Variants in DHX29 observed in about 807,000 individuals in gnomAD.
DHX29 encodes the protein DExH-box helicase 29.
In DHX29, 79 loss-of-function variants were observed where a neutral mutation model predicts 167.9. That is an observed-to-expected ratio of 0.47 (90% confidence interval 0.39 to 0.57). The LOEUF is 0.57. Ranked by LOEUF, DHX29 falls within the 20% of genes least tolerant of loss-of-function variation. DHX29 has a pLI of 0.00. For missense variants in DHX29, 1,347 were observed against 1,593.4 expected, an observed-to-expected ratio of 0.85 and a Z score of 2.63; for synonymous variants, 530 against 546.0, an observed-to-expected ratio of 0.97 and a Z score of 0.41.
intron 2 of DHX29, among the ~76,000 whole-genome samples, chr5:55,297,944 A>G (rs1315273730): frequency 6.6e-6 from 1 of 152,240 alleles, no homozygotes; most frequent in Non-Finnish European, 1.5e-5. Flanking sequence ...ACAAGCATCT[A>G]CTTACAAAAA....
At position 55,269,411 on chromosome 5, in the gene DHX29, ACCACTGGGT is replaced by A. The variant is rs1202086212; in HGVS notation, c.3287_3294+1del. The A allele has an allele frequency of 6.2e-7, 1 of 1,612,044 alleles. No homozygotes were observed. The highest frequency in any genetic ancestry group is 1.7e-5 in the Admixed American group (1 of 60,008). On this transcript the variant is annotated splice_donor_variant and coding_sequence_variant, in exon 21 of 27. Coordinates refer to ENST00000251636, the MANE Select transcript of DHX29 (RefSeq NM_019030.4). LOFTEE classifies it high-confidence loss of function. ...AAGAAGCAGCAGCATTGTTTGACTTACCACTGGGTCAAGGCAGCCAAATATGGCACCAAA... is the reference window on the plus strand; with the variant it reads ...AAGAAGCAGCAGCATTGTTTGACTTACAAGGCAGCCAAATATGGCACCAAA...
At chr5:55,301,724 A>AC (rs1579824438) in intron 1 of DHX29, among the ~76,000 whole-genome samples, 1 of 151,376 alleles carries the variant, frequency 6.6e-6, no homozygotes, top group African/African-American at 2.4e-5. Context: ...AAAAAAAAAA[A>AC]AAAAAAAAAA....
chr5:55,299,383 G>C (rs927705737), intron 1 of DHX29, among the ~76,000 whole-genome samples: 3 of 152,162 alleles, frequency 2.0e-5, no homozygotes, highest in Non-Finnish European at 4.4e-5. Flanking sequence ...TAAGTGAAAA[G>C]GGAGGTGGGA....
rs138961941 is a variant in DHX29, at chr5:55,289,374, T to C, written c.962A>G (p.His321Arg). 1.9e-5 allele frequency: 31 copies of C among 1,601,730 alleles called. No homozygotes were observed. The highest frequency in any genetic ancestry group is 1.8e-4 in the East Asian group (8 of 44,230). The stretch of plus-strand genomic sequence containing the variant: ...AGGCTTTTTCCTTTCATTTTGTTGA[T>C]GTGAAATCTTCATGGCTGGGTTAAA... ...PVFNPAMKIS[H>R]QQNERKKPPV... The change falls in exon 8 of 27, where the codon CAT becomes CGT. Residue 321 changes from histidine (H) to arginine (R), a missense_variant. Physicochemically the swap from His to Arg is conservative, Grantham distance 29. Coordinates refer to ENST00000251636, the MANE Select transcript of DHX29 (RefSeq NM_019030.4).
At position 55,274,883 on chromosome 5, in the gene DHX29, T is replaced by C; in HGVS notation, c.2555A>G (p.Glu852Gly). ...PHKINLDLILELLAYLDKSPQ... is the reference protein window; with the variant it reads ...PHKINLDLILGLLAYLDKSPQ... Reference sequence around the variant, plus strand: ...AAATATACCTAAGTATGCAAGAAGTTCCAAAATGAGATCCAGGTTGATTTT... The same window carrying C: ...AAATATACCTAAGTATGCAAGAAGTCCCAAAATGAGATCCAGGTTGATTTT... The change falls in exon 15 of 27, where the codon GAA becomes GGA. Residue 852 changes from glutamate to glycine, a missense_variant. Physicochemically the swap from Glu to Gly is moderately conservative, Grantham distance 98. Around this residue, in one of 3 missense-constraint regions of DHX29, gnomAD observed 882 missense variants for 1,082.4 expected, o/e 0.81. Transcript: ENST00000251636. 6.2e-7 allele frequency: 1 copy of C among 1,613,398 alleles called. No individual in the cohort carries two copies. The highest frequency in any genetic ancestry group is 8.5e-7 in the Non-Finnish European group (1 of 1,179,788).
Position 55,283,385 on chromosome 5 carries a change from C to T in DHX29, c.1783G>A (p.Gly595Ser). The part of the protein sequence containing the change: ...LKRHRVVVVA[G>S]ETGSGKSTQV... Reference sequence around the variant, plus strand: ...GTACTTTTACCACTCCCTGTTTCACCTGCCACAACCACTACCCGATGCCTT... The same window carrying T: ...GTACTTTTACCACTCCCTGTTTCACTTGCCACAACCACTACCCGATGCCTT... The change falls in exon 11 of 27, where the codon GGT becomes AGT. Residue 595 changes from glycine (G) to serine (S), a missense_variant. Physicochemically the swap from Gly to Ser is moderately conservative, Grantham distance 56. Around this residue, in one of 3 missense-constraint regions of DHX29, gnomAD observed 882 missense variants for 1,082.4 expected, o/e 0.81. Transcript: ENST00000251636. 6.2e-7 allele frequency: 1 copy of T among 1,614,208 alleles called. No individual in the cohort carries two copies. The highest frequency in any genetic ancestry group is 8.5e-7 in the Non-Finnish European group (1 of 1,180,016).
chr5:55,269,674 C>A, intron 20 of DHX29, 37 bp from the exon 21 acceptor site: 1 of 1,545,932 alleles, frequency 6.5e-7, no homozygotes, highest in South Asian at 1.1e-5. Flanking sequence ...GGTATGAAAT[C>A]AAAGAATGAA....
Position 55,267,726 on chromosome 5 carries a change from C to T in DHX29, c.3391G>A (p.Ala1131Thr), listed in dbSNP as rs566797481. Residue 1131 changes from alanine to threonine, a missense_variant, in exon 22 of 27, where the codon GCG becomes ACG. Coordinates refer to ENST00000251636, the MANE Select transcript of DHX29 (RefSeq NM_019030.4). ...TAGATCGTCAGGTGGTCTGAATCCG[C>T]CATGGCCAAAGCTGATTTTGCAAGA... ...ADLAKSALAM[A>T]DSDHLTIYNA... 1.9e-6 allele frequency: 3 copies of T among 1,607,020 alleles called. No homozygotes were observed. The highest frequency in any genetic ancestry group is 1.1e-5 in the South Asian group (1 of 90,202).
chr5:55,269,658 A>G (rs1360461066), intron 20 of DHX29, 21 bp from the exon 21 acceptor site: 1 of 1,589,052 alleles, frequency 6.3e-7, no homozygotes, highest in Non-Finnish European at 8.6e-7. Flanking sequence ...AAAAAGCAAT[A>G]AAATTGGTAT....
At chr5:55,304,309 CTT>C (rs397882409) in intron 1 of DHX29, among the ~76,000 whole-genome samples, 31 of 112,644 alleles carry the variant, frequency 2.8e-4, no homozygotes, top group East Asian at 8.2e-4. Context: ...TCAAATGTCA[CTT>C]TTTTTTTTTT....
At chr5:55,274,779 C>A (rs1158783465) in intron 15 of DHX29, 48 bp from the exon 16 acceptor site, 1 of 1,563,642 alleles carries the variant, frequency 6.4e-7, no homozygotes, top group African/African-American at 1.4e-5. Context: ...AGATAAGGAA[C>A]AGCATATAAA....
chr5:55,271,002 G>A (rs1336575373), intron 18 of DHX29, among the ~76,000 whole-genome samples: 3 of 152,086 alleles, frequency 2.0e-5, no homozygotes, highest in Non-Finnish European at 4.4e-5. Context: ...ATTATGTGAC[G>A]ATAATTTTTG....
At position 55,307,636 on chromosome 5, in the gene DHX29, G is replaced by C. The variant is rs997479714; in HGVS notation, c.-63C>G. On this transcript the variant is annotated 5_prime_UTR_variant, in exon 1 of 27. Transcript: ENST00000251636. ...CCCGACGGTACCACTGCACAGCCGAGAGCTCTTCACATTCCCCGGCTCCGG... is the reference window on the plus strand; with the variant it reads ...CCCGACGGTACCACTGCACAGCCGACAGCTCTTCACATTCCCCGGCTCCGG... The C allele has an allele frequency of 1.3e-6, 2 of 1,585,248 alleles. No individual in the cohort carries two copies. Among genetic ancestry groups the C allele is most frequent in the Admixed American group, 1.8e-5 (1 of 56,036 alleles).
chr5:55,267,479 C>T (rs1430399272), intron 22 of DHX29, among the ~76,000 whole-genome samples: 3 of 152,010 alleles, frequency 2.0e-5, no homozygotes, highest in African/African-American at 7.2e-5. Flanking sequence ...AGTTAATATA[C>T]ATATAATACC....
At chr5:55,272,571 A>G (rs991236537) in intron 17 of DHX29, among the ~76,000 whole-genome samples, 8 of 152,132 alleles carry the variant, frequency 5.3e-5, no homozygotes, top group African/African-American at 1.9e-4. Flanking sequence ...TGTCTCTACT[A>G]AAAATACAAA....
intron 1 of DHX29, among the ~76,000 whole-genome samples, chr5:55,301,713 C>CAAAAAAAAAAAAAAAAAAAAAAA (rs70992777): frequency 1.5e-5 from 1 of 64,742 alleles, no homozygotes; most frequent in African/African-American, 5.6e-5. Flanking sequence ...AACTCCATCT[C>CAAAAAAAAAAAAAAAAAAAAAAA]AAAAAAAAAA....
chr5:55,305,767 C>T (rs757853697), intron 1 of DHX29, among the ~76,000 whole-genome samples: 3 of 152,200 alleles, frequency 2.0e-5, no homozygotes, highest in Non-Finnish European at 4.4e-5. Flanking sequence ...TGGTTTAGTA[C>T]TAGCCCTGTT....
chr5:55,302,592 C>CA (rs3990285), intron 1 of DHX29, among the ~76,000 whole-genome samples: 4,123 of 67,976 alleles, frequency 0.061, 118 homozygotes, highest in African/African-American at 0.13. Flanking sequence ...GTGACCCTAT[C>CA]AAAAAAAAAA....
chr5:55,296,968 A>C (rs1474594557), intron 3 of DHX29, among the ~76,000 whole-genome samples: 1 of 152,216 alleles, frequency 6.6e-6, no homozygotes, highest in Non-Finnish European at 1.5e-5. Context: ...ACTTGAAAAA[A>C]TGGGGCCAAA....
Sources: gnomAD v4.1 joint callset for allele counts (sites outside exome capture counted in the v4.1 genomes callset) on GRCh38, gnomAD v4.1.1 for gene constraint, gnomAD v4.1.1 regional missense constraint, MANE v1.5 for transcripts, NCBI Gene and HGNC (gene_info 2026-07-23, HGNC 2026-07-21) for gene names.